Variants in CECR2 observed in about 807,000 individuals in gnomAD.
CECR2 encodes the protein CECR2 histone acetyl-lysine reader, also known as chromatin remodeling regulator CECR2.
In CECR2, 30 loss-of-function variants were observed where a neutral mutation model predicts 154.5. That is an observed-to-expected ratio of 0.19 (90% CI 0.15 to 0.26). The LOEUF is 0.26. Ranked by LOEUF, CECR2 falls within the 10% of genes least tolerant of loss-of-function variation. The pLI, the probability that CECR2 is intolerant of heterozygous loss-of-function variation, is 1.00. For missense variants in CECR2, 1,743 were observed against 1,829.3 expected (o/e 0.95, Z 0.86); for synonymous variants, 725 against 683.7 (o/e 1.06, Z -0.94).
chr22:17,482,024 A>T (rs182750132), intron 2 of CECR2, among the ~76,000 whole-genome samples: 1 of 146,646 alleles, frequency 6.8e-6, no homozygotes. Flanking sequence ...CTGAGGCAGG[A>T]GAATGGCATG....
At position 17,369,879 on chromosome 22, in the gene CECR2, C is replaced by T. The variant is rs2063033885; in HGVS notation, c.96C>T (p.Thr32=). The change falls in exon 1 of 19, where the codon ACC becomes ACT. Residue 32 remains threonine (T), a synonymous_variant. Coordinates refer to ENST00000262608, the MANE Select transcript of CECR2 (RefSeq NM_001290047.2). ...CGCACTTCTGCTCGCTCTTTCGCAC[C>T]GCGTTCCGCCTGCCCGACTTCGAGA... ...AIAHFCSLFR[T]AFRLPDFEIE... 6.6e-6 allele frequency: 1 copy of T among 151,102 alleles called. No homozygotes were observed. The highest frequency in any genetic ancestry group is 1.5e-5 in the Non-Finnish European group (1 of 67,710). The allele number at this position is 151,102 out of a possible 1,614,324, so 9.4% of individuals were successfully genotyped here.
chr22:17,439,923 C>G (rs1423835052), intron 1 of CECR2, among the ~76,000 whole-genome samples: 1 of 152,022 alleles, frequency 6.6e-6, no homozygotes. Context: ...TGAAATGGAC[C>G]TACACTATAC....
intron 1 of CECR2, among the ~76,000 whole-genome samples, chr22:17,464,179 G>A (rs1402044129): frequency 1.3e-5 from 2 of 152,186 alleles, no homozygotes; most frequent in Non-Finnish European, 2.9e-5. Context: ...TCATTTTAAT[G>A]AAGTTTCACT....
chr22:17,364,275 G>A (rs2062990476), intron 1 of CECR2, among the ~76,000 whole-genome samples: 1 of 140,500 alleles, frequency 7.1e-6, no homozygotes. Context: ...CCTGGGAGGC[G>A]GAGCTTGCAG....
chr22:17,365,873 A>G (rs568112754), upstream of CECR2, among the ~76,000 whole-genome samples: 51 of 151,972 alleles, frequency 3.4e-4, no homozygotes, highest in South Asian at 5.8e-3. Context: ...AAAAAAAAAA[A>G]GGGTGGTTCA....
chr22:17,434,169 G>C (rs114184075), intron 1 of CECR2, among the ~76,000 whole-genome samples: 4,982 of 152,182 alleles, frequency 0.033, 124 homozygotes, highest in South Asian at 0.13. Flanking sequence ...GAGGCCTTTT[G>C]CTTCTCTTGG....
chr22:17,529,126 T>C (rs571284888), intron 9 of CECR2, among the ~76,000 whole-genome samples: 8 of 152,204 alleles, frequency 5.3e-5, no homozygotes, highest in South Asian at 4.2e-4. Flanking sequence ...TCTGAAGATT[T>C]GACATTTAAA....
intron 16 of CECR2, 119 bp downstream of exon 16, chr22:17,543,122 GGTTTTGTTTTGTTCT>G (rs992839814): frequency 1.6e-6 from 2 of 1,272,696 alleles, no homozygotes; most frequent in Non-Finnish European, 1.1e-6. Context: ...TTTATTTTTT[GGTTTTGTTTTGTTCT>G]GTTTTGTTTT....
At chr22:17,378,834 C>T (rs2063152185) in intron 1 of CECR2, among the ~76,000 whole-genome samples, 1 of 152,126 alleles carries the variant, frequency 6.6e-6, no homozygotes, top group African/African-American at 2.4e-5. Flanking sequence ...ATTTTTTCCC[C>T]TAAATGCAAA....
chr22:17,414,237 G>A (rs1380664420), intron 1 of CECR2, among the ~76,000 whole-genome samples: 2 of 152,188 alleles, frequency 1.3e-5, no homozygotes, highest in Non-Finnish European at 2.9e-5. Flanking sequence ...CTCCCAAAGT[G>A]CTGGGATTAC....
At position 17,541,281 on chromosome 22, in the gene CECR2, C is replaced by T. The variant is rs559055163; in HGVS notation, c.1884+481C>T. On this transcript the variant is annotated intron_variant, in intron 14 of 18. Coordinates refer to ENST00000262608, the MANE Select transcript of CECR2 (RefSeq NM_001290047.2). ...CCAGCCTAGCTAACATGGTGAAACCCTGTCTCTACTAAAAATACAAAAATT... is the reference window on the plus strand; with the variant it reads ...CCAGCCTAGCTAACATGGTGAAACCTTGTCTCTACTAAAAATACAAAAATT... Among the ~76,000 whole-genome samples the T allele has an allele frequency of 4.6e-5, 7 of 152,242 alleles. No individual in the cohort carries two copies. The East Asian group carries it at 1.4e-3, about 29-fold the overall frequency.
At chr22:17,419,596 T>C in intron 1 of CECR2, 1 of 336,774 alleles carries the variant, frequency 3.0e-6, no homozygotes, top group African/African-American at 2.5e-5. Flanking sequence ...AAACAGTTTC[T>C]CCACTGGAGG....
chr22:17,500,522 C>G, intron 4 of CECR2, 109 bp from the exon 5 acceptor site: 1 of 778,052 alleles, frequency 1.3e-6, no homozygotes, highest in Non-Finnish European at 2.0e-6. Flanking sequence ...CCTTTCACTG[C>G]TACATTTAAT....
chr22:17,379,084 G>A (rs1453700398), intron 1 of CECR2, among the ~76,000 whole-genome samples: 1 of 152,068 alleles, frequency 6.6e-6, no homozygotes. Flanking sequence ...AGCCTCTCAA[G>A]AAGCTGGTAT....
chr22:17,503,012 C>G, intron 5 of CECR2, 70 bp from the exon 6 acceptor site: 1 of 1,378,172 alleles, frequency 7.3e-7, no homozygotes, highest in Non-Finnish European at 1.0e-6. Flanking sequence ...GTTCTACCAT[C>G]CTGGGGTGGC....
At chr22:17,476,677 G>C (rs900475082) in intron 1 of CECR2, among the ~76,000 whole-genome samples, 2 of 152,192 alleles carry the variant, frequency 1.3e-5, no homozygotes, top group Non-Finnish European at 2.9e-5. Context: ...GGGGATTACT[G>C]ATCTGGTTAT....
At chr22:17,376,528 T>G (rs765318259) in intron 1 of CECR2, among the ~76,000 whole-genome samples, 3 of 152,156 alleles carry the variant, frequency 2.0e-5, no homozygotes, top group Non-Finnish European at 4.4e-5. Flanking sequence ...TGCGGAAAAC[T>G]GCAGTGCAAA....
intron 8 of CECR2, among the ~76,000 whole-genome samples, chr22:17,519,740 C>G (rs891749110): frequency 6.6e-6 from 1 of 151,582 alleles, no homozygotes; most frequent in African/African-American, 2.4e-5. Flanking sequence ...CTCTTTCTCC[C>G]TCTCCACTGA....
chr22:17,442,472 A>T (rs1358884367), intron 1 of CECR2, among the ~76,000 whole-genome samples: 1 of 152,184 alleles, frequency 6.6e-6, no homozygotes, highest in Non-Finnish European at 1.5e-5. Context: ...GCTACTAGGG[A>T]GGCCGAGGCA....
Sources: gnomAD v4.1 joint callset for allele counts (sites outside exome capture counted in the v4.1 genomes callset) on GRCh38, gnomAD v4.1.1 for gene constraint, MANE v1.5 for transcripts, NCBI Gene and HGNC (gene_info 2026-07-23, HGNC 2026-07-21) for gene names.